Variants in HPD observed in about 807,000 individuals in gnomAD.
HPD encodes the protein 4-hydroxyphenylpyruvate dioxygenase.
Under a neutral mutation model 56.9 loss-of-function variants are expected in HPD, and 35 were observed. The ratio of observed to expected loss-of-function variants is 0.62; its 90% CI spans 0.47 to 0.82. The LOEUF is 0.82. Among genes scored for constraint, HPD ranks in the 40% least tolerant of loss-of-function variants. The pLI is 0.00. For missense variants in HPD, 442 were observed against 506.8 expected (o/e 0.87, Z 1.23); for synonymous variants, 186 against 200.2 (o/e 0.93, Z 0.60).
At chr12:121,841,941 C>T (rs1022650852) in intron 12 of HPD, among the ~76,000 whole-genome samples, 1 of 152,058 alleles carries the variant, frequency 6.6e-6, no homozygotes, top group Admixed American at 6.6e-5. Flanking sequence ...CCTCAGCCTC[C>T]CAAAGTGCTG....
intron 9 of HPD, among the ~76,000 whole-genome samples, chr12:121,848,699 G>A (rs972920343): frequency 2.6e-5 from 4 of 151,568 alleles, no homozygotes; most frequent in Admixed American, 1.3e-4. Flanking sequence ...TCCACCTCCC[G>A]GGTTCAAGCG....
At chr12:121,842,184 CCT>C in intron 12 of HPD, among the ~76,000 whole-genome samples, 1 of 151,970 alleles carries the variant, frequency 6.6e-6, no homozygotes, top group East Asian at 1.9e-4. Flanking sequence ...AATGCAGTAG[CCT>C]GATCATGGCT....
intron 11 of HPD, among the ~76,000 whole-genome samples, chr12:121,846,528 A>AT (rs1320864890): frequency 2.0e-5 from 3 of 152,008 alleles, no homozygotes; most frequent in African/African-American, 7.2e-5. Flanking sequence ...TAATTTCCTG[A>AT]TTTTTAAGGT....
At chr12:121,850,523 G>A (rs1466679800) in intron 7 of HPD, among the ~76,000 whole-genome samples, 5 of 141,828 alleles carry the variant, frequency 3.5e-5, no homozygotes, top group African/African-American at 1.3e-4. Context: ...ACTCAGGCTG[G>A]AGTGCATTGG....
chr12:121,857,564 T>C (rs898006700), intron 3 of HPD, 132 bp from the exon 4 acceptor site: 10 of 844,160 alleles, frequency 1.2e-5, no homozygotes, highest in East Asian at 2.6e-5. Context: ...CCTGGGAAGA[T>C]AGACTGCTGC....
At chr12:121,867,069 G>A (rs975856146), upstream of HPD, among the ~76,000 whole-genome samples, 1 of 152,116 alleles carries the variant, frequency 6.6e-6, no homozygotes, top group Admixed American at 6.6e-5. Context: ...ATACATTTGA[G>A]GCCGGGTGTG....
the HPD span, among the ~76,000 whole-genome samples, chr12:121,881,199 G>A: frequency 6.6e-6 from 1 of 152,140 alleles, no homozygotes; most frequent in East Asian, 1.9e-4. Context: ...CATTCTATGG[G>A]GGAGTTGACT....
intron 7 of HPD, 165 bp from the exon 8 acceptor site, chr12:121,849,955 T>C: frequency 1.5e-6 from 1 of 659,768 alleles, no homozygotes. Context: ...TGAATTGCAA[T>C]CTGTCACTTG....
intron 2 of HPD, 129 bp from the exon 3 acceptor site, chr12:121,857,948 C>T (rs1276841922): frequency 1.3e-6 from 1 of 745,564 alleles, no homozygotes; most frequent in South Asian, 1.5e-5. Context: ...CAGCGGAACC[C>T]CATGCAGCCT....
upstream of HPD, among the ~76,000 whole-genome samples, chr12:121,861,608 C>CAATCTCTAA (rs1878175218): frequency 1.3e-5 from 2 of 152,056 alleles, no homozygotes; most frequent in Non-Finnish European, 2.9e-5. Flanking sequence ...TGGAAAAAAA[C>CAATCTCTAA]ATGAAAAAGA....
rs1485067821 is a variant in HPD at position 121,847,116 on chromosome 12, T to C, written c.695A>G (p.Tyr232Cys). The change falls in exon 10 of 14, where the codon TAT (tyrosine) becomes TGT (cysteine). Residue 232 changes from tyrosine to cysteine, a missense_variant. Tyr to Cys is a radical substitution (Grantham distance 194). Coordinates refer to ENST00000289004, the MANE Select transcript of HPD (RefSeq NM_002150.3). ...GATGGGCATCTTGATGGACTCTTCATAGTTGGCCACCACAATGGATCGCAG... is the reference window on the plus strand; with the variant it reads ...GATGGGCATCTTGATGGACTCTTCACAGTTGGCCACCACAATGGATCGCAG... ...SSLRSIVVAN[Y>C]EESIKMPINE... 1.2e-6 allele frequency: 2 copies of C among 1,614,190 alleles called. No individual in the cohort carries two copies. Among genetic ancestry groups the C allele is most frequent in the South Asian group, 1.1e-5 (1 of 91,086 alleles).
chr12:121,861,165 G>A (rs576198570), upstream of HPD, among the ~76,000 whole-genome samples: 98 of 152,024 alleles, frequency 6.4e-4, no homozygotes, highest in Middle Eastern at 3.4e-3. Flanking sequence ...GTGAAACACC[G>A]TCTCTACTAA....
chr12:121,870,473 C>T, the HPD span, among the ~76,000 whole-genome samples: 1 of 149,214 alleles, frequency 6.7e-6, no homozygotes, highest in African/African-American at 2.5e-5. Flanking sequence ...TGCCACTGCA[C>T]TCCAGCCTGA....
At chr12:121,847,276 C>G (rs892768517) in intron 9 of HPD, 62 bp from the exon 10 acceptor site, 9 of 1,489,800 alleles carry the variant, frequency 6.0e-6, no homozygotes, top group Non-Finnish European at 7.5e-6. Context: ...CTCCATCACC[C>G]ATTTCCACCT....
At chr12:121,876,420 G>A in the HPD span, among the ~76,000 whole-genome samples, 1 of 152,174 alleles carries the variant, frequency 6.6e-6, no homozygotes, top group African/African-American at 2.4e-5. Context: ...GTTTAGAGGT[G>A]GGAGGCCCCC....
the HPD span, among the ~76,000 whole-genome samples, chr12:121,868,879 CTTTG>C: frequency 6.6e-6 from 1 of 151,970 alleles, no homozygotes; most frequent in African/African-American, 2.4e-5. Flanking sequence ...TAAGAGTTCT[CTTTG>C]TTTGTTTTCT....
chr12:121,880,181 G>T, the HPD span, among the ~76,000 whole-genome samples: 1 of 151,408 alleles, frequency 6.6e-6, no homozygotes. Context: ...AAAAAGAAAG[G>T]CTGTACCATG....
chr12:121,885,548 A>G, the HPD span, among the ~76,000 whole-genome samples: 1 of 152,066 alleles, frequency 6.6e-6, no homozygotes, highest in African/African-American at 2.4e-5. Flanking sequence ...TGCCTCTCTT[A>G]ACCCTAAATA....
upstream of HPD, among the ~76,000 whole-genome samples, chr12:121,862,378 A>G (rs1263796013): frequency 6.7e-6 from 1 of 148,660 alleles, no homozygotes; most frequent in East Asian, 2.0e-4. Flanking sequence ...GCTTATTACA[A>G]CCTCCGCCTC....
Sources: gnomAD v4.1 joint callset for allele counts (sites outside exome capture counted in the v4.1 genomes callset) on GRCh38, gnomAD v4.1.1 for gene constraint, MANE v1.5 for transcripts, NCBI Gene and HGNC (gene_info 2026-07-23, HGNC 2026-07-21) for gene names.